The following RGS7 variants were observed in gnomAD, a reference collection of about 807,000 sequenced individuals.
The protein encoded by RGS7 is regulator of G protein signaling 7.
In RGS7, 27 loss-of-function variants were observed where a neutral mutation model predicts 81.1. The ratio of observed to expected loss-of-function variants is 0.33; its 90% CI spans 0.25 to 0.46. The LOEUF is 0.46. Among genes scored for constraint, RGS7 ranks in the 20% least tolerant of loss-of-function variants. The pLI is 1.00. For synonymous variants in RGS7, 208 were observed against 207.7 expected, an observed-to-expected ratio of 1.00 and a Z score of -0.01; for missense variants, 396 against 607.4, an observed-to-expected ratio of 0.65 and a Z score of 3.66.
At chr1:241,048,669 C>T (rs2061081302) in intron 3 of RGS7, among the ~76,000 whole-genome samples, 1 of 152,242 alleles carries the variant, frequency 6.6e-6, no homozygotes, top group African/African-American at 2.4e-5. Context: ...CACTCTCCTT[C>T]TGAGGTTCCT....
chr1:240,887,240 T>TGTTGTTGCTGCTG (rs60160345), intron 6 of RGS7, among the ~76,000 whole-genome samples: 1 of 148,330 alleles, frequency 6.7e-6, no homozygotes, highest in African/African-American at 2.5e-5. Flanking sequence ...TTTTTTTTTT[T>TGTTGTTGCTGCTG]TTTTTTGAGA....
At chr1:241,073,931 T>G (rs1447990479) in intron 3 of RGS7, among the ~76,000 whole-genome samples, 3 of 151,864 alleles carry the variant, frequency 2.0e-5, no homozygotes, top group Non-Finnish European at 4.4e-5. Context: ...GATAGAGTCT[T>G]GCTTTGTTGC....
intron 2 of RGS7, among the ~76,000 whole-genome samples, chr1:241,174,127 C>T (rs7545275): frequency 2.7e-4 from 41 of 152,182 alleles, no homozygotes; most frequent in African/African-American, 9.9e-4. Context: ...GGAGATAAAC[C>T]AAAGAAAAAT....
At chr1:240,941,293 G>T (rs1263763257) in intron 4 of RGS7, among the ~76,000 whole-genome samples, 1 of 152,148 alleles carries the variant, frequency 6.6e-6, no homozygotes, top group African/African-American at 2.4e-5. Context: ...TGGTCAAATA[G>T]TAATCTAGAG....
intron 3 of RGS7, among the ~76,000 whole-genome samples, chr1:240,987,282 TA>T (rs1685804743): frequency 6.6e-6 from 1 of 152,208 alleles, no homozygotes; most frequent in Non-Finnish European, 1.5e-5. Context: ...AATTTTCAGC[TA>T]AAGACATTAG....
At chr1:241,031,482 G>A (rs954921182) in intron 3 of RGS7, among the ~76,000 whole-genome samples, 2 of 151,928 alleles carry the variant, frequency 1.3e-5, no homozygotes, top group African/African-American at 4.8e-5. Flanking sequence ...TTTTCCTTTG[G>A]GTAGATGCTC....
chr1:240,820,682 G>A (rs546682556), intron 10 of RGS7, among the ~76,000 whole-genome samples: 28 of 152,258 alleles, frequency 1.8e-4, no homozygotes, highest in South Asian at 6.2e-4. Context: ...AGGACACAGC[G>A]AGAAGGCACC....
chr1:241,309,640 TGTA>T (rs2148547617), intron 2 of RGS7, among the ~76,000 whole-genome samples: 1 of 152,330 alleles, frequency 6.6e-6, no homozygotes, highest in South Asian at 2.1e-4. Context: ...GAATGCTCTG[TGTA>T]AACTTGGTAG....
chr1:241,058,484 C>G (rs569358993), intron 3 of RGS7, among the ~76,000 whole-genome samples: 28 of 152,282 alleles, frequency 1.8e-4, no homozygotes, highest in Admixed American at 1.1e-3. Flanking sequence ...TCTTTGAATT[C>G]ATTTGCTTTA....
chr1:241,206,783 C>G (rs2073913618), intron 2 of RGS7, among the ~76,000 whole-genome samples: 10 of 152,052 alleles, frequency 6.6e-5, no homozygotes. Flanking sequence ...CATGTTAACC[C>G]TAACTTAAAT....
intron 3 of RGS7, among the ~76,000 whole-genome samples, chr1:241,086,435 C>G (rs73125583): frequency 0.048 from 7,274 of 152,030 alleles, 596 homozygotes; most frequent in African/African-American, 0.17. Context: ...CCTAATCCTC[C>G]CATTGAGTTA....
At chr1:241,296,971 A>G (rs951774231) in intron 2 of RGS7, among the ~76,000 whole-genome samples, 1 of 151,640 alleles carries the variant, frequency 6.6e-6, no homozygotes, top group Non-Finnish European at 1.5e-5. Flanking sequence ...CAGCTCCTTT[A>G]TCAAACTGAC....
At chr1:240,995,152 T>A (rs1196460212) in intron 3 of RGS7, among the ~76,000 whole-genome samples, 1 of 152,236 alleles carries the variant, frequency 6.6e-6, no homozygotes, top group Non-Finnish European at 1.5e-5. Context: ...ACAGGGTTAA[T>A]TTTTGAATAT....
intron 3 of RGS7, among the ~76,000 whole-genome samples, chr1:240,990,692 A>G (rs181281832): frequency 2.0e-5 from 3 of 152,352 alleles, no homozygotes; most frequent in Admixed American, 2.0e-4. Context: ...TCACAGTTTG[A>G]AACTGGATCA....
At chr1:241,352,664 T>C (rs1396875595) in intron 2 of RGS7, among the ~76,000 whole-genome samples, 1 of 152,226 alleles carries the variant, frequency 6.6e-6, no homozygotes, top group Non-Finnish European at 1.5e-5. Flanking sequence ...AATAGGGTGA[T>C]ATCCACTCTA....
At chr1:240,843,538 T>C (rs1658508434) in intron 9 of RGS7, among the ~76,000 whole-genome samples, 1 of 152,206 alleles carries the variant, frequency 6.6e-6, no homozygotes, top group Non-Finnish European at 1.5e-5. Context: ...GGTGTCAGGA[T>C]TACAGGCATG....
At chr1:241,107,148 C>A (rs1194648556) in intron 2 of RGS7, among the ~76,000 whole-genome samples, 3 of 152,160 alleles carry the variant, frequency 2.0e-5, no homozygotes. Context: ...ATGCTTACTG[C>A]CCCCTCCACT....
chr1:241,071,204 A>C (rs1205639353), intron 3 of RGS7, among the ~76,000 whole-genome samples: 1 of 152,204 alleles, frequency 6.6e-6, no homozygotes, highest in African/African-American at 2.4e-5. Context: ...ATTTTAGGTA[A>C]CAGGATATTT....
At chr1:240,993,769 G>A (rs1450865576) in intron 3 of RGS7, among the ~76,000 whole-genome samples, 1 of 151,444 alleles carries the variant, frequency 6.6e-6, no homozygotes, top group Admixed American at 6.6e-5. Context: ...AGAACTCTTT[G>A]CCTAGACCAA....
Sources: allele counts gnomAD v4.1 joint callset (sites outside exome capture counted in the v4.1 genomes callset), GRCh38; gene constraint gnomAD v4.1.1; transcripts MANE v1.5; gene names NCBI Gene and HGNC (gene_info 2026-07-23, HGNC 2026-07-21).